Variants in RBAK observed in about 807,000 individuals in gnomAD.
RBAK encodes RB-associated KRAB zinc finger protein.
RBAK carries 39 observed loss-of-function variants against 65.8 expected under a neutral mutation model. The ratio of observed to expected loss-of-function variants is 0.59; its 90% CI spans 0.46 to 0.77. The LOEUF is 0.77. Ranked by LOEUF, RBAK falls within the 30% of genes least tolerant of loss-of-function variation. The pLI is 0.00. For missense variants in RBAK, 884 were observed against 855.1 expected (o/e 1.03, Z -0.42); for synonymous variants, 343 against 289.7 (o/e 1.18, Z -1.87).
intron 4 of RBAK, among the ~76,000 whole-genome samples, chr7:5,060,223 T>C (rs1779037195): frequency 2.6e-5 from 4 of 152,208 alleles, no homozygotes; most frequent in South Asian, 2.1e-4. Flanking sequence ...TAGGTTTTTA[T>C]TGACTTACCA....
chr7:5,053,254 T>G lies in RBAK; in HGVS notation c.16-4041T>G, dbSNP rs532538540. Among the ~76,000 whole-genome samples the G allele has an allele frequency of 2.6e-5, 4 of 152,372 alleles. 1 individual carries two copies. Among genetic ancestry groups the G allele is most frequent in the African/African-American group, 9.6e-5 (4 of 41,586 alleles). ...AATGTCTTCATTGTGTCTTAGCTTT[T>G]AAAGGTGTTTCTGCTGGATATTTCT... On this transcript the variant is annotated intron_variant, in intron 2 of 4. Transcript: ENST00000396912.
chr7:5,068,097 G>A lies in RBAK; in HGVS notation c.*2496G>A, dbSNP rs1779265420. 1 of 152,154 alleles carries A rather than the reference G, an allele frequency of 6.6e-6. No homozygotes were observed. Among genetic ancestry groups the A allele is most frequent in the South Asian group, 2.1e-4 (1 of 4,832 alleles). 9.4% of individuals were successfully genotyped at this position (152,154 alleles called of 1,614,324 possible). On this transcript the variant is annotated 3_prime_UTR_variant, in exon 5 of 5. Transcript: ENST00000396912. ...AAAATGAACAGGAAATCATGGGGAGGAGAAGATATTTGCAGTTCATGTATG... is the reference window on the plus strand; with the variant it reads ...AAAATGAACAGGAAATCATGGGGAGAAGAAGATATTTGCAGTTCATGTATG...
chr7:5,051,073 C>T (rs1040519139), intron 2 of RBAK, among the ~76,000 whole-genome samples: 2 of 152,060 alleles, frequency 1.3e-5, no homozygotes, highest in Non-Finnish European at 2.9e-5. Context: ...TAAATGGCTC[C>T]ATCTTTGGCC....
In RBAK at chr7:5,064,285, A is replaced by G; in HGVS notation, c.829A>G (p.Ile277Val). Residue 277 changes from isoleucine (I) to valine (V), a missense_variant, in exon 5 of 5, where the codon ATC (isoleucine) becomes GTC (valine). Coordinates refer to ENST00000396912, the MANE Select transcript of RBAK (RefSeq NM_021163.4). This position sits in a 1 kb window ranked among gnomAD's most constrained non-coding sequence, Gnocchi z 6.3. The part of the protein sequence containing the change: ...GKSFCKKSKF[I>V]IHQRAHTGEK... ...ATCCTTCTGTAAAAAGTCAAAATTC[A>G]TCATCCACCAGAGGGCTCACACAGG... The G allele has an allele frequency of 1.9e-6, 3 of 1,614,164 alleles. No homozygotes were observed. The highest frequency in any genetic ancestry group is 2.2e-5 in the South Asian group (2 of 91,090).
chr7:5,055,115 T>C (rs1226700010), intron 2 of RBAK, among the ~76,000 whole-genome samples: 2 of 152,122 alleles, frequency 1.3e-5, no homozygotes, highest in African/African-American at 2.4e-5. Context: ...TTCCTCTAAT[T>C]GTTTTATCTT....
rs767042267 is a variant in RBAK at position 5,065,238 on chromosome 7, C to T, written c.1782C>T (p.Pro594=). ...RHQRVHTGEK[P]YECYECGKFF... ...AAAGAGTACACACAGGCGAGAAACC[C>T]TATGAATGTTACGAATGTGGAAAAT... The change falls in exon 5 of 5, where the codon CCC becomes CCT. Residue 594 remains proline, a synonymous_variant. Coordinates refer to ENST00000396912, the MANE Select transcript of RBAK (RefSeq NM_021163.4). This position sits in a 1 kb window ranked among gnomAD's most constrained non-coding sequence, Gnocchi z 5.3. The T allele has an allele frequency of 1.2e-5, 19 of 1,613,746 alleles. No homozygotes were observed. The Middle Eastern group carries it at 9.9e-4, about 84-fold the overall frequency.
Position 5,064,346 on chromosome 7 carries a change from C to G in RBAK, c.890C>G (p.Ser297Cys), listed in dbSNP as rs765078598. Residue 297 changes from serine to cysteine, a missense_variant, in exon 5 of 5, where the codon TCC becomes TGC. Physicochemically the swap from Ser to Cys is moderately radical, Grantham distance 112. Transcript: ENST00000396912. This position sits in a 1 kb window ranked among gnomAD's most constrained non-coding sequence, Gnocchi z 6.3. ...KPYECNVCGK[S>C]FSQKGTLTVH... is the part of the protein sequence containing the mutation. Reference sequence around the variant, plus strand: ...TATGAATGTAATGTATGTGGGAAATCCTTCAGCCAAAAGGGAACCCTCACT... The same window carrying G: ...TATGAATGTAATGTATGTGGGAAATGCTTCAGCCAAAAGGGAACCCTCACT... The G allele has an allele frequency of 3.1e-6, 5 of 1,613,900 alleles. No individual in the cohort carries two copies. The African/African-American group carries it at 6.7e-5, about 22-fold the overall frequency.
rs1779238382 is a variant in RBAK at position 5,067,093 on chromosome 7, T to C, written c.*1492T>C. 6.6e-6 allele frequency: 1 copy of C among 152,174 alleles called. No homozygotes were observed. Among genetic ancestry groups the C allele is most frequent in the Non-Finnish European group, 1.5e-5 (1 of 68,000 alleles). 9.4% of individuals were successfully genotyped at this position (152,174 alleles called of 1,614,324 possible). A position where few individuals can be genotyped will look rare whatever the true frequency, so the allele number is the denominator to read the frequency against. On this transcript the variant is annotated 3_prime_UTR_variant, in exon 5 of 5. Transcript: ENST00000396912. ...CTTAAACTACAACAAACAATATGCT[T>C]AATGATGAAATAGTGAACATTTCTC...
At chr7:5,053,862 C>G (rs1232619408) in intron 2 of RBAK, among the ~76,000 whole-genome samples, 4 of 152,190 alleles carry the variant, frequency 2.6e-5, no homozygotes, top group African/African-American at 4.8e-5. Flanking sequence ...GATGAACTCT[C>G]TCAGTGCTCT....
intron 2 of RBAK, among the ~76,000 whole-genome samples, chr7:5,054,256 T>C (rs185708408): frequency 1.3e-5 from 2 of 152,028 alleles, no homozygotes; most frequent in African/African-American, 4.8e-5. Flanking sequence ...AATACAAAAA[T>C]TAGCCAGGCA....
In RBAK at chr7:5,052,597, C is replaced by A. The variant is rs576810472; in HGVS notation, c.15+4506C>A. ...CATAGTTTATTCTTAAGTGATATACCATTTTTCTTAGAGTAAGAGAAGCTT... is the reference window on the plus strand; with the variant it reads ...CATAGTTTATTCTTAAGTGATATACAATTTTTCTTAGAGTAAGAGAAGCTT... On this transcript the variant is annotated intron_variant, in intron 2 of 4. Transcript: ENST00000396912. 6.0e-4 allele frequency among the ~76,000 whole-genome samples: 92 copies of A among 152,222 alleles called. 1 individual carries two copies. Among genetic ancestry groups the A allele is most frequent in the African/African-American group, 2.1e-3 (86 of 41,524 alleles).
rs1233532813 is a variant in RBAK at position 5,061,471 on chromosome 7, T to C, written c.239-2224T>C. Among the ~76,000 whole-genome samples, 10 of 129,396 alleles carry C rather than the reference T, an allele frequency of 7.7e-5. No homozygotes were observed. In the East Asian group the frequency reaches 2.3e-3, roughly 29 times the overall value. 84.9% of individuals were successfully genotyped at this position (129,396 alleles called of 152,430 possible). On this transcript the variant is annotated intron_variant, in intron 4 of 4. Coordinates refer to ENST00000396912, the MANE Select transcript of RBAK (RefSeq NM_021163.4). Reference sequence around the variant, plus strand: ...TCTTTTTCTTTTTTTTTTTTTTTTATAGTAGAGACAGGGTTTTGCATGTTG... The same window carrying C: ...TCTTTTTCTTTTTTTTTTTTTTTTACAGTAGAGACAGGGTTTTGCATGTTG...
intron 2 of RBAK, among the ~76,000 whole-genome samples, chr7:5,055,246 A>ATGTGTG (rs71535173): frequency 1.2e-4 from 18 of 147,018 alleles, no homozygotes; most frequent in Non-Finnish European, 1.8e-4. Flanking sequence ...TGAGGCATAA[A>ATGTGTG]TGTGTGTGTG....
intron 2 of RBAK, among the ~76,000 whole-genome samples, chr7:5,052,665 G>A (rs555772326): frequency 7.2e-5 from 11 of 152,214 alleles, no homozygotes; most frequent in South Asian, 2.1e-4. Flanking sequence ...TCTTTACACC[G>A]TTGTTCATTT....
At position 5,064,490 on chromosome 7, in the gene RBAK, A is replaced by G; in HGVS notation, c.1034A>G (p.Tyr345Cys). The change falls in exon 5 of 5, where the codon TAC becomes TGC. Residue 345 changes from tyrosine to cysteine, a missense_variant. Transcript: ENST00000396912. The surrounding 1 kb of genome is among the most constrained non-coding windows in gnomAD (Gnocchi z 6.3). ...HLRTHSGEKPYECSECGKTFC... is the reference protein window; with the variant it reads ...HLRTHSGEKPCECSECGKTFC... Reference sequence around the variant, plus strand: ...AGAACTCATTCAGGAGAGAAACCCTACGAATGTAGCGAATGTGGGAAAACC... The same window carrying G: ...AGAACTCATTCAGGAGAGAAACCCTGCGAATGTAGCGAATGTGGGAAAACC... 6.2e-7 allele frequency: 1 copy of G among 1,614,070 alleles called. No individual in the cohort carries two copies. The highest frequency in any genetic ancestry group is 8.5e-7 in the Non-Finnish European group (1 of 1,179,972).
In RBAK at chr7:5,064,051, A is replaced by C; in HGVS notation, c.595A>C (p.Ser199Arg). The C allele has an allele frequency of 1.2e-6, 2 of 1,613,114 alleles. No homozygotes were observed. The highest frequency in any genetic ancestry group is 1.7e-6 in the Non-Finnish European group (2 of 1,179,772). Residue 199 changes from serine to arginine, a missense_variant, in exon 5 of 5, where the codon AGT (serine) becomes CGT (arginine). Coordinates refer to ENST00000396912, the MANE Select transcript of RBAK (RefSeq NM_021163.4). This position sits in a 1 kb window ranked among gnomAD's most constrained non-coding sequence, Gnocchi z 6.3. The part of the protein sequence containing the change: ...HNEENILQKI[S>R]ILEKPFEYNE... ...TGAAGAAAATATTCTTCAGAAAATT[A>C]GTATTTTGGAGAAACCCTTTGAATA...
Position 5,046,043 on chromosome 7 carries a change from A to AC in RBAK, c.-393dup, listed in dbSNP as rs1232676255. The AC allele has an allele frequency of 3.6e-6, 1 of 274,448 alleles. No individual in the cohort carries two copies. Among genetic ancestry groups the AC allele is most frequent in the Non-Finnish European group, 7.0e-6 (1 of 143,102 alleles). The allele number at this position is 274,448 out of a possible 1,614,324, so 17.0% of individuals were successfully genotyped here. On this transcript the variant is annotated 5_prime_UTR_variant, in exon 1 of 5. Coordinates refer to ENST00000396912, the MANE Select transcript of RBAK (RefSeq NM_021163.4). ...GGGCCGGGTGGAGGCTTGAGCGGGGACCCCCGAGCTTGAGCCCCGGAGCCG... is the reference window on the plus strand; with the variant it reads ...GGGCCGGGTGGAGGCTTGAGCGGGGACCCCCCGAGCTTGAGCCCCGGAGCCG...
Position 5,068,106 on chromosome 7 carries a change from T to C in RBAK, c.*2505T>C, listed in dbSNP as rs1205061282. ...AGGAAATCATGGGGAGGAGAAGATA[T>C]TTGCAGTTCATGTATGTGACAACAG... is the stretch of plus-strand genomic sequence containing the variant. On this transcript the variant is annotated 3_prime_UTR_variant, in exon 5 of 5. Coordinates refer to ENST00000396912, the MANE Select transcript of RBAK (RefSeq NM_021163.4). 2 of 152,140 alleles carry C rather than the reference T, an allele frequency of 1.3e-5. No individual in the cohort carries two copies. The highest frequency in any genetic ancestry group is 1.9e-4 in the East Asian group (1 of 5,198). The allele number at this position is 152,140 out of a possible 1,614,324, so 9.4% of individuals were successfully genotyped here. A position where few individuals can be genotyped will look rare whatever the true frequency, so the allele number is the denominator to read the frequency against.
rs1421040839 is a variant in RBAK at position 5,065,573 on chromosome 7, T to C, written c.2117T>C (p.Met706Thr). The C allele has an allele frequency of 2.0e-6, 3 of 1,537,480 alleles. No individual in the cohort carries two copies. The highest frequency in any genetic ancestry group is 2.6e-6 in the Non-Finnish European group (3 of 1,145,918). ...CAGAGAATTCATAGAAGAGGAAATA[T>C]GAACGTACTTGATGTGGAAAATCTC... ...SHQRIHRRGN[M>T]NVLDVENL Residue 706 changes from methionine (M) to threonine (T), a missense_variant, in exon 5 of 5, where the codon ATG (methionine) becomes ACG (threonine). Coordinates refer to ENST00000396912, the MANE Select transcript of RBAK (RefSeq NM_021163.4). This position sits in a 1 kb window ranked among gnomAD's most constrained non-coding sequence, Gnocchi z 5.3.
Sources: allele counts gnomAD v4.1 joint callset (sites outside exome capture counted in the v4.1 genomes callset), GRCh38; gene constraint gnomAD v4.1.1; non-coding constraint Gnocchi (gnomAD v3.1); transcripts MANE v1.5; gene names NCBI Gene and HGNC (gene_info 2026-07-23, HGNC 2026-07-21).